The following RFX8 variants were observed in gnomAD, a reference collection of about 807,000 sequenced individuals.
RFX8 encodes the protein DNA-binding protein RFX8.
Under a neutral mutation model 54.6 loss-of-function variants are expected in RFX8, and 46 were observed. The ratio of observed to expected loss-of-function variants is 0.84; its 90% CI spans 0.67 to 1.08. The LOEUF is 1.08. Among genes scored for constraint, RFX8 ranks in the 50% least tolerant of loss-of-function variants. RFX8 has a pLI of 0.00. For synonymous variants in RFX8, 192 were observed against 209.5 expected, an observed-to-expected ratio of 0.92 and a Z score of 0.72; for missense variants, 536 against 562.3, an observed-to-expected ratio of 0.95 and a Z score of 0.47.
At chr2:101,467,463 G>A (rs1689640232) in intron 1 of RFX8, among the ~76,000 whole-genome samples, 1 of 152,142 alleles carries the variant, frequency 6.6e-6, no homozygotes, top group South Asian at 2.1e-4. Context: ...ATTATGTTTG[G>A]ATTCTTTGAA....
At chr2:101,444,366 C>T (rs1688259137) in intron 2 of RFX8, among the ~76,000 whole-genome samples, 1 of 152,234 alleles carries the variant, frequency 6.6e-6, no homozygotes, top group Non-Finnish European at 1.5e-5. Flanking sequence ...CCAGAACCTA[C>T]ACACTAAACC....
At chr2:101,470,709 C>CT (rs537834632) in intron 1 of RFX8, among the ~76,000 whole-genome samples, 1,637 of 105,450 alleles carry the variant, frequency 0.016, 198 homozygotes, top group African/African-American at 0.019. Context: ...TCTGAGTACT[C>CT]TTTTTTTTTT....
At chr2:101,438,600 G>T (rs924134596) in intron 2 of RFX8, among the ~76,000 whole-genome samples, 1 of 152,174 alleles carries the variant, frequency 6.6e-6, no homozygotes, top group African/African-American at 2.4e-5. Context: ...AAATGCCCAA[G>T]GTGCAGTTGC....
chr2:101,418,903 G>T lies in RFX8; in HGVS notation c.299C>A (p.Ser100Ter), dbSNP rs1314479914. The T allele has an allele frequency of 5.2e-6, 8 of 1,551,502 alleles. No individual in the cohort carries two copies. In the African/African-American group the frequency reaches 1.1e-4, roughly 21 times the overall value. The part of the protein sequence containing the change: ...SLQQDTVMLM[S>*]LPDVCQLFKC... ...AAAGAGCTGGCACACGTCAGGCAAT[G>T]ACATCAGCATGACTGTGTCTTGCTG... The change falls in exon 5 of 12, where the codon TCA becomes TAA. Residue 100 changes from serine (S) to a stop codon, truncating the protein, a stop_gained. Coordinates refer to ENST00000428343, the MANE Select transcript of RFX8 (RefSeq NM_001145664.2). LOFTEE classifies it high-confidence loss of function.
chr2:101,418,807 AT>A lies in RFX8; in HGVS notation c.351+43del, dbSNP rs1686687641. The A allele has an allele frequency of 4.7e-6, 6 of 1,288,548 alleles. No homozygotes were observed. The Admixed American group carries it at 1.2e-4, about 25-fold the overall frequency. 79.8% of individuals were successfully genotyped at this position (1,288,548 alleles called of 1,614,324 possible). A position where few individuals can be genotyped will look rare whatever the true frequency, so the allele number is the denominator to read the frequency against. Reference sequence around the variant, plus strand: ...GGTCCAAACCCAGCATTTGCTGCCAATTTCTGCAAAGGATATACTCTAGAGA... The same window carrying A: ...GGTCCAAACCCAGCATTTGCTGCCAATTCTGCAAAGGATATACTCTAGAGA... On this transcript the variant is annotated intron_variant, in intron 5 of 11. Transcript: ENST00000428343.
At chr2:101,439,074 A>G (rs1172380839) in intron 2 of RFX8, among the ~76,000 whole-genome samples, 1 of 152,100 alleles carries the variant, frequency 6.6e-6, no homozygotes, top group Non-Finnish European at 1.5e-5. Context: ...CAGTCTCCCA[A>G]AGTGCTGGGA....
chr2:101,418,537 T>C (rs1686670318), intron 5 of RFX8, among the ~76,000 whole-genome samples: 2 of 152,240 alleles, frequency 1.3e-5, no homozygotes, highest in African/African-American at 4.8e-5. Context: ...TTATGCATAT[T>C]ACAATTCCAA....
intron 2 of RFX8, among the ~76,000 whole-genome samples, chr2:101,433,073 G>A (rs181899680): frequency 1.6e-3 from 243 of 152,234 alleles, no homozygotes; most frequent in Non-Finnish European, 3.2e-3. Context: ...GGGGAAGACC[G>A]GGGAGGGAGG....
At chr2:101,424,145 G>C (rs1687032469) in intron 2 of RFX8, among the ~76,000 whole-genome samples, 1 of 152,086 alleles carries the variant, frequency 6.6e-6, no homozygotes, top group African/African-American at 2.4e-5. Context: ...AGCTCAAAGG[G>C]GTCTCTCTAT....
chr2:101,462,119 A>G (rs1339117477), intron 2 of RFX8, among the ~76,000 whole-genome samples: 6 of 152,272 alleles, frequency 3.9e-5, no homozygotes, highest in Non-Finnish European at 4.4e-5. Context: ...CAAACAACCT[A>G]TATTTCCAAT....
At chr2:101,456,773 T>G (rs767193845) in intron 2 of RFX8, among the ~76,000 whole-genome samples, 3 of 152,184 alleles carry the variant, frequency 2.0e-5, no homozygotes, top group Non-Finnish European at 4.4e-5. Context: ...ATTGGAATAG[T>G]TTCAGAAGGA....
At chr2:101,425,159 G>C (rs1298022123) in intron 2 of RFX8, among the ~76,000 whole-genome samples, 1 of 152,178 alleles carries the variant, frequency 6.6e-6, no homozygotes, top group East Asian at 1.9e-4. Flanking sequence ...CTCTGTTAGA[G>C]AACTGAGGAA....
rs70943080 is a variant in RFX8 at position 101,408,482 on chromosome 2, C to CA, written c.813+2136dup. ...CCTGGGCGACAGCGAGACTCCGTCT[C>CA]AAAAAAAAAAAACAAAAAAAACGCT... On this transcript the variant is annotated intron_variant, in intron 9 of 11. Coordinates refer to ENST00000428343, the MANE Select transcript of RFX8 (RefSeq NM_001145664.2). Among the ~76,000 whole-genome samples, 849 of 136,334 alleles carry CA rather than the reference C, an allele frequency of 6.2e-3. 5 individuals carry two copies. Among genetic ancestry groups the CA allele is most frequent in the African/African-American group, 0.02 (722 of 35,704 alleles). 89.4% of individuals were successfully genotyped at this position (136,334 alleles called of 152,430 possible).
intron 2 of RFX8, among the ~76,000 whole-genome samples, chr2:101,444,375 C>T (rs939853902): frequency 8.5e-5 from 13 of 152,200 alleles, no homozygotes; most frequent in African/African-American, 3.1e-4. Flanking sequence ...ACACACTAAA[C>T]CTAAACAGGG....
At chr2:101,437,049 G>A (rs2871420) in intron 2 of RFX8, among the ~76,000 whole-genome samples, 114,948 of 151,960 alleles carry the variant, frequency 0.76, 44,429 homozygotes, top group Middle Eastern at 0.88. Flanking sequence ...CATGGGGCCT[G>A]TCATGATGTC....
intron 2 of RFX8, among the ~76,000 whole-genome samples, chr2:101,465,131 T>A (rs1457761648): frequency 6.6e-6 from 1 of 152,150 alleles, no homozygotes; most frequent in African/African-American, 2.4e-5. Context: ...AGACACACTT[T>A]TCAAACATAG....
chr2:101,471,108 C>A (rs1689959040), intron 1 of RFX8, among the ~76,000 whole-genome samples: 1 of 151,612 alleles, frequency 6.6e-6, no homozygotes, highest in South Asian at 2.1e-4. Context: ...CTGAGATGGG[C>A]AGATCACCTG....
chr2:101,420,522 G>A (rs1686805998), intron 4 of RFX8, among the ~76,000 whole-genome samples: 1 of 151,982 alleles, frequency 6.6e-6, no homozygotes, highest in African/African-American at 2.4e-5. Context: ...CAGCCTCGGT[G>A]ACAGAGCAAG....
chr2:101,443,200 TAC>T (rs1688193414), intron 2 of RFX8, among the ~76,000 whole-genome samples: 1 of 152,142 alleles, frequency 6.6e-6, no homozygotes, highest in South Asian at 2.1e-4. Context: ...GTGCTGATTG[TAC>T]AGTCCTGGGT....
Sources: allele counts gnomAD v4.1 joint callset (sites outside exome capture counted in the v4.1 genomes callset), GRCh38; gene constraint gnomAD v4.1.1; transcripts MANE v1.5; gene names NCBI Gene and HGNC (gene_info 2026-07-23, HGNC 2026-07-21).